OR51B5: variants seen among roughly 807,000 people sequenced by gnomAD.
OR51B5 encodes the protein olfactory receptor 51B5.
For missense variants in OR51B5, 456 were observed against 374.6 expected, an observed-to-expected ratio of 1.22 and a Z score of -1.79; for synonymous variants, 186 against 144.8, an observed-to-expected ratio of 1.28 and a Z score of -2.04.
At chr11:5,416,062 A>C (rs1850239195) in intron 1 of OR51B5, among the ~76,000 whole-genome samples, 2 of 149,236 alleles carry the variant, frequency 1.3e-5, no homozygotes, top group African/African-American at 4.9e-5. Flanking sequence ...GCAGCACATC[A>C]AAAAGCTTAT....
chr11:5,465,031 C>G (rs1187638774), intron 1 of OR51B5, among the ~76,000 whole-genome samples: 2 of 151,810 alleles, frequency 1.3e-5, no homozygotes, highest in African/African-American at 4.8e-5. Flanking sequence ...ACGGTGAAAC[C>G]CCGTCTCTAC....
chr11:5,358,387 AT>A (rs1218044413), intron 1 of OR51B5, among the ~76,000 whole-genome samples: 1 of 152,230 alleles, frequency 6.6e-6, no homozygotes, highest in African/African-American at 2.4e-5. Context: ...AAACTAGAAA[AT>A]CTAGAAGAAA....
At chr11:5,475,011 T>C (rs1590017996) in intron 1 of OR51B5, among the ~76,000 whole-genome samples, 1 of 152,164 alleles carries the variant, frequency 6.6e-6, no homozygotes, top group South Asian at 2.1e-4. Flanking sequence ...GCTCAATAAA[T>C]AGGTGTTTGA....
intron 1 of OR51B5, among the ~76,000 whole-genome samples, chr11:5,459,305 G>T (rs748671663): frequency 6.6e-6 from 1 of 152,122 alleles, no homozygotes; most frequent in Non-Finnish European, 1.5e-5. Context: ...AACATAAAGC[G>T]AACTTGCTTA....
At chr11:5,505,357 A>G in intron 1 of OR51B5, 1 of 1,304,138 alleles carries the variant, frequency 7.7e-7, no homozygotes, top group South Asian at 1.2e-5. Context: ...TCACCTCATG[A>G]ACGGAAGAAA....
intron 1 of OR51B5, chr11:5,505,234 G>C (rs1394595552): frequency 9.3e-7 from 1 of 1,077,006 alleles, no homozygotes; most frequent in Non-Finnish European, 1.2e-6. Flanking sequence ...GATAAATGCA[G>C]TAACATTGCT....
intron 1 of OR51B5, among the ~76,000 whole-genome samples, chr11:5,349,444 A>C (rs906539867): frequency 1.3e-5 from 2 of 151,956 alleles, no homozygotes; most frequent in African/African-American, 4.8e-5. Flanking sequence ...ATTTAGTAGT[A>C]ATATAACACA....
Position 5,454,078 on chromosome 11 carries a change from T to C in OR51B5, n.84+51491A>G, listed in dbSNP as rs777867424. On this transcript the variant is annotated intron_variant and non_coding_transcript_variant, in intron 1 of 4. Coordinates refer to the OR51B5 transcript ENST00000415970. Reference sequence around the variant, plus strand: ...TGTGCTGATATCAGTATCAACAGCATCTATGGACTCTTTGTTCTTGTATCC... The same window carrying C: ...TGTGCTGATATCAGTATCAACAGCACCTATGGACTCTTTGTTCTTGTATCC... The C allele has an allele frequency of 3.7e-6, 6 of 1,614,144 alleles. No individual in the cohort carries two copies. In the South Asian group the frequency reaches 6.6e-5, roughly 18 times the overall value.
At chr11:5,483,260 A>T (rs1343824472) in intron 1 of OR51B5, among the ~76,000 whole-genome samples, 2 of 145,024 alleles carry the variant, frequency 1.4e-5, no homozygotes, top group African/African-American at 5.2e-5. Flanking sequence ...TGCAAGAACA[A>T]AAAACCAAAC....
chr11:5,394,886 AC>A (rs1425165556), intron 1 of OR51B5, among the ~76,000 whole-genome samples: 1 of 152,186 alleles, frequency 6.6e-6, no homozygotes, highest in African/African-American at 2.4e-5. Context: ...ATCTTTACAT[AC>A]TTGCTCAGTG....
At chr11:5,489,732 C>A (rs1439896032) in intron 1 of OR51B5, 5 of 1,037,118 alleles carry the variant, frequency 4.8e-6, no homozygotes, top group Non-Finnish European at 7.3e-6. Context: ...TACATGGACA[C>A]ACAGTGATGA....
At chr11:5,478,754 G>C (rs995192884) in intron 1 of OR51B5, among the ~76,000 whole-genome samples, 1 of 151,180 alleles carries the variant, frequency 6.6e-6, no homozygotes, top group African/African-American at 2.5e-5. Flanking sequence ...TGGAAGAAAG[G>C]GTATGAGCAA....
At chr11:5,472,359 A>G (rs1192599163) in intron 1 of OR51B5, among the ~76,000 whole-genome samples, 2 of 152,038 alleles carry the variant, frequency 1.3e-5, no homozygotes, top group Non-Finnish European at 2.9e-5. Context: ...TCTGTGGGGG[A>G]AGAGATGAGG....
intron 1 of OR51B5, among the ~76,000 whole-genome samples, chr11:5,480,085 A>G (rs966369728): frequency 1.3e-5 from 2 of 152,182 alleles, no homozygotes; most frequent in African/African-American, 4.8e-5. Context: ...CACCTATTCC[A>G]AAATTGACCA....
At chr11:5,419,030 T>C (rs1292810207) in intron 1 of OR51B5, among the ~76,000 whole-genome samples, 2 of 152,196 alleles carry the variant, frequency 1.3e-5, no homozygotes, top group African/African-American at 4.8e-5. Context: ...GGTATATGAA[T>C]TCTATATCCT....
chr11:5,498,249 G>T (rs1427965754), intron 1 of OR51B5, among the ~76,000 whole-genome samples: 1 of 152,062 alleles, frequency 6.6e-6, no homozygotes, highest in Non-Finnish European at 1.5e-5. Flanking sequence ...GCGATCCTTG[G>T]GATTAGCTGA....
At position 5,390,116 on chromosome 11, in the gene OR51B5, C is replaced by G. The variant is rs750235724; in HGVS notation, n.85-43206G>C. The stretch of plus-strand genomic sequence containing the variant: ...ACTCATCCTGCACACAGTAGCAGGC[C>G]TGGCCTCCCAAGAGGAGCAGCGCCG... On this transcript the variant is annotated intron_variant and non_coding_transcript_variant, in intron 1 of 4. Coordinates refer to the OR51B5 transcript ENST00000415970. 10 of 1,613,858 alleles carry G rather than the reference C, an allele frequency of 6.2e-6. No individual in the cohort carries two copies. In the South Asian group the frequency reaches 1.1e-4, roughly 18 times the overall value.
At chr11:5,437,927 A>G (rs1010819333) in intron 1 of OR51B5, among the ~76,000 whole-genome samples, 13 of 152,292 alleles carry the variant, frequency 8.5e-5, no homozygotes, top group Admixed American at 2.6e-4. Flanking sequence ...AGGGAGGGAA[A>G]TAGAAGATGT....
chr11:5,493,025 T>C (rs992738355), intron 1 of OR51B5, among the ~76,000 whole-genome samples: 1 of 152,210 alleles, frequency 6.6e-6, no homozygotes, highest in Admixed American at 6.5e-5. Flanking sequence ...TGATCCACCG[T>C]TGAAAAATCC....
Sources: allele counts gnomAD v4.1 joint callset (sites outside exome capture counted in the v4.1 genomes callset), GRCh38; gene constraint gnomAD v4.1.1; transcripts MANE v1.5; gene names NCBI Gene and HGNC (gene_info 2026-07-23, HGNC 2026-07-21).